The following TNFRSF8 variants were observed in gnomAD, a reference collection of about 807,000 sequenced individuals.
TNFRSF8 encodes the protein tumor necrosis factor receptor superfamily member 8.
A neutral mutation model predicts 70.8 loss-of-function variants in TNFRSF8; 26 were observed. The ratio of observed to expected loss-of-function variants is 0.37; its 90% CI spans 0.27 to 0.51. TNFRSF8 has a LOEUF of 0.51. TNFRSF8 is among the 20% of genes least tolerant of loss of function. TNFRSF8 has a pLI of 0.94. For synonymous variants in TNFRSF8, 356 were observed against 339.2 expected, an observed-to-expected ratio of 1.05 and a Z score of -0.54; for missense variants, 720 against 807.9, an observed-to-expected ratio of 0.89 and a Z score of 1.32.
At chr1:12,076,477 A>G (rs751558541) in intron 1 of TNFRSF8, among the ~76,000 whole-genome samples, 6 of 152,022 alleles carry the variant, frequency 3.9e-5, no homozygotes, top group Non-Finnish European at 8.8e-5. Flanking sequence ...CAACTCTTAC[A>G]CAAAAATCAT....
rs576748110 is a variant in TNFRSF8, at chr1:12,082,267, C to T, written c.64-2197C>T. Among the ~76,000 whole-genome samples, 33 of 152,226 alleles carry T rather than the reference C, an allele frequency of 2.2e-4. 1 individual carries two copies. Among genetic ancestry groups the T allele is most frequent in the Middle Eastern group, 3.4e-3 (1 of 294 alleles). ...TGGTAAAAACATATCTTCCTGAGGC[C>T]GGGCCAGGTGGCTCACGCCTGTAAT... On this transcript the variant is annotated intron_variant, in intron 1 of 14. Coordinates refer to ENST00000263932, the MANE Select transcript of TNFRSF8 (RefSeq NM_001243.5).
chr1:12,131,477 A>T (rs1642046789), intron 12 of TNFRSF8, among the ~76,000 whole-genome samples: 1 of 148,802 alleles, frequency 6.7e-6, no homozygotes, highest in South Asian at 2.1e-4. Flanking sequence ...AAACAAAAAA[A>T]CATTCTAAGT....
intron 10 of TNFRSF8, among the ~76,000 whole-genome samples, chr1:12,125,091 C>G (rs1641912872): frequency 6.6e-6 from 1 of 152,214 alleles, no homozygotes; most frequent in Non-Finnish European, 1.5e-5. Context: ...AGAAACTGCA[C>G]TTTAACAAGA....
chr1:12,103,225 G>T (rs961622726), intron 3 of TNFRSF8, among the ~76,000 whole-genome samples: 1 of 151,968 alleles, frequency 6.6e-6, no homozygotes, highest in Non-Finnish European at 1.5e-5. Context: ...TTAGTTGGGC[G>T]TGGTGGTGTG....
chr1:12,092,757 C>G lies in TNFRSF8; in HGVS notation c.152-4344C>G, dbSNP rs188635556. Among the ~76,000 whole-genome samples the G allele has an allele frequency of 5.2e-4, 79 of 152,080 alleles. 1 individual carries two copies. In the East Asian group the frequency reaches 0.015, roughly 28 times the overall value. On this transcript the variant is annotated intron_variant, in intron 2 of 14. Transcript: ENST00000263932. The stretch of plus-strand genomic sequence containing the variant: ...TCTCCTGACCTCGTGATCCGCCTGC[C>G]TCGACCTCCCAAAGTGCTGGGATTA...
chr1:12,121,853 A>T (rs555950459), intron 8 of TNFRSF8, among the ~76,000 whole-genome samples: 1 of 152,274 alleles, frequency 6.6e-6, no homozygotes, highest in Non-Finnish European at 1.5e-5. Flanking sequence ...GCGAACGGGT[A>T]TGTAAACAGT....
At chr1:12,076,103 C>T (rs55974149) in intron 1 of TNFRSF8, among the ~76,000 whole-genome samples, 34,808 of 94,542 alleles carry the variant, frequency 0.37, 5,089 homozygotes, top group African/African-American at 0.48. Context: ...TTTTCTTTTT[C>T]TTTTTTTTTT....
chr1:12,093,611 G>A (rs574104229), intron 2 of TNFRSF8, among the ~76,000 whole-genome samples: 2 of 152,042 alleles, frequency 1.3e-5, no homozygotes, highest in East Asian at 3.9e-4. Flanking sequence ...CGCTATGCCC[G>A]CTCACTGCAA....
intron 3 of TNFRSF8, among the ~76,000 whole-genome samples, chr1:12,103,146 C>G (rs1641453174): frequency 1.3e-5 from 2 of 151,956 alleles, no homozygotes; most frequent in Non-Finnish European, 2.9e-5. Flanking sequence ...GGTGGATCAC[C>G]TGAGGTCAGG....
intron 10 of TNFRSF8, 113 bp from the exon 11 acceptor site, chr1:12,125,838 T>A: frequency 1.2e-6 from 1 of 844,920 alleles, no homozygotes; most frequent in South Asian, 1.4e-5. Flanking sequence ...GGACCTGTTG[T>A]TGTTAGCCAT....
chr1:12,130,229 A>G (rs1642023258), intron 12 of TNFRSF8, among the ~76,000 whole-genome samples: 1 of 152,056 alleles, frequency 6.6e-6, no homozygotes, highest in Non-Finnish European at 1.5e-5. Context: ...AATTTTCTTC[A>G]CTTACATATT....
rs1214027732 is a variant in TNFRSF8 at position 12,113,223 on chromosome 1, T to C, written c.793+1209T>C. On this transcript the variant is annotated intron_variant, in intron 7 of 14. Transcript: ENST00000263932. This position sits in a 1 kb window ranked among gnomAD's most constrained non-coding sequence, Gnocchi z 4.9. The stretch of plus-strand genomic sequence containing the variant: ...CATTCACCTGCCTTGGGGTTGATGT[T>C]GGCTCCTGGCTGCAGCCTTGGTTCC... Among the ~76,000 whole-genome samples the C allele has an allele frequency of 6.6e-6, 1 of 152,256 alleles. No homozygotes were observed. The highest frequency in any genetic ancestry group is 1.5e-5 in the Non-Finnish European group (1 of 68,048).
rs1641676639 is a variant in TNFRSF8 at position 12,113,743 on chromosome 1, CAGAGAA to C, written c.793+1735_793+1740del. ...AGATAGAGTGTGACAGAGAGAAAGA[CAGAGAA>C]AGAGAGAGAGAGAGACAGAAAGAGA... On this transcript the variant is annotated intron_variant, in intron 7 of 14. Transcript: ENST00000263932. The surrounding 1 kb of genome is among the most constrained non-coding windows in gnomAD (Gnocchi z 4.9). Among the ~76,000 whole-genome samples, 2 of 149,578 alleles carry C rather than the reference CAGAGAA, an allele frequency of 1.3e-5. No individual in the cohort carries two copies. The highest frequency in any genetic ancestry group is 3.0e-5 in the Non-Finnish European group (2 of 67,324).
chr1:12,123,238 C>A, intron 8 of TNFRSF8, 46 bp from the exon 9 acceptor site: 1 of 1,547,490 alleles, frequency 6.5e-7, no homozygotes, highest in Non-Finnish European at 8.8e-7. Flanking sequence ...CCTGGAGACA[C>A]CAGCCTCCTT....
rs893982118 is a variant in TNFRSF8 at position 12,119,448 on chromosome 1, G to A, written c.946+3719G>A. ...AGCAGGATTAATGGAAATTACCCACGCTACATGTAATAGATGCACCACCAT... is the reference window on the plus strand; with the variant it reads ...AGCAGGATTAATGGAAATTACCCACACTACATGTAATAGATGCACCACCAT... On this transcript the variant is annotated intron_variant, in intron 8 of 14. Transcript: ENST00000263932. This position sits in a 1 kb window ranked among gnomAD's most constrained non-coding sequence, Gnocchi z 4.4. 3.9e-5 allele frequency among the ~76,000 whole-genome samples: 6 copies of A among 151,998 alleles called. No homozygotes were observed. The highest frequency in any genetic ancestry group is 6.6e-5 in the Admixed American group (1 of 15,248).
At chr1:12,066,135 G>A (rs542944899) in intron 1 of TNFRSF8, among the ~76,000 whole-genome samples, 10 of 152,034 alleles carry the variant, frequency 6.6e-5, no homozygotes, top group South Asian at 2.1e-4. Flanking sequence ...TGCATTTCTC[G>A]CCTACCGGGG....
In TNFRSF8 at chr1:12,126,020, A is replaced by G; in HGVS notation, c.1223A>G (p.His408Arg). The change falls in exon 11 of 15, where the codon CAC (histidine) becomes CGC (arginine). Residue 408 changes from histidine to arginine, a missense_variant. Transcript: ENST00000263932. The stretch of plus-strand genomic sequence containing the variant: ...GGCTCCAGCGCCTTCCTCCTGTGCC[A>G]CCGGAGGGCCTGCAGGAAGCGAATT... ...VVGSSAFLLCHRRACRKRIRQ... is the reference protein window; with the variant it reads ...VVGSSAFLLCRRRACRKRIRQ... 6.2e-7 allele frequency: 1 copy of G among 1,614,076 alleles called. No individual in the cohort carries two copies. Among genetic ancestry groups the G allele is most frequent in the Non-Finnish European group, 8.5e-7 (1 of 1,180,006 alleles).
Position 12,119,636 on chromosome 1 carries a change from CTG to C in TNFRSF8, c.947-3644_947-3643del, listed in dbSNP as rs1202564695. Among the ~76,000 whole-genome samples, 1 of 151,066 alleles carries C rather than the reference CTG, an allele frequency of 6.6e-6. No individual in the cohort carries two copies. The highest frequency in any genetic ancestry group is 2.4e-5 in the African/African-American group (1 of 40,990). On this transcript the variant is annotated intron_variant, in intron 8 of 14. Transcript: ENST00000263932. This position sits in a 1 kb window ranked among gnomAD's most constrained non-coding sequence, Gnocchi z 4.4. ...TTATTTTTAGAGACAGGGTCTCACT[CTG>C]TGTTCCAGGCTGGAGTGCAGTGGCA...
rs1469975197 is a variant in TNFRSF8 at position 12,119,434 on chromosome 1, T to C, written c.946+3705T>C. Among the ~76,000 whole-genome samples, 1 of 152,164 alleles carries C rather than the reference T, an allele frequency of 6.6e-6. No individual in the cohort carries two copies. Among genetic ancestry groups the C allele is most frequent in the Non-Finnish European group, 1.5e-5 (1 of 68,028 alleles). On this transcript the variant is annotated intron_variant, in intron 8 of 14. Coordinates refer to ENST00000263932, the MANE Select transcript of TNFRSF8 (RefSeq NM_001243.5). This position sits in a 1 kb window ranked among gnomAD's most constrained non-coding sequence, Gnocchi z 4.4. ...CCTACCAAGAGCAAAGCAGGATTAA[T>C]GGAAATTACCCACGCTACATGTAAT...
Sources: allele counts gnomAD v4.1 joint callset (sites outside exome capture counted in the v4.1 genomes callset), GRCh38; gene constraint gnomAD v4.1.1; non-coding constraint Gnocchi (gnomAD v3.1); transcripts MANE v1.5; gene names NCBI Gene and HGNC (gene_info 2026-07-23, HGNC 2026-07-21).